Variants in NKX2-2 observed in about 807,000 individuals in gnomAD.
The protein encoded by NKX2-2 is homeobox protein Nkx-2.2.
A neutral mutation model predicts 24.6 loss-of-function variants in NKX2-2; 8 were observed. The observed-to-expected ratio is 0.32, with a 90% CI of 0.19 to 0.59. The LOEUF (loss-of-function observed/expected upper bound fraction) is 0.59, where lower values mean the gene tolerates loss of function less well. Ranked by LOEUF, NKX2-2 falls within the 20% of genes least tolerant of loss-of-function variation. NKX2-2 has a pLI of 0.86. For synonymous variants in NKX2-2, 217 were observed against 173.3 expected (o/e 1.25, Z -1.98); for missense variants, 381 against 373.9 (o/e 1.02, Z -0.16).
In NKX2-2 at chr20:21,511,420, A is replaced by C. The variant is rs1980422967; in HGVS notation, c.*503T>G. 1 of 152,652 alleles carries C rather than the reference A, an allele frequency of 6.6e-6. No individual in the cohort carries two copies. The highest frequency in any genetic ancestry group is 3.2e-3 in the Middle Eastern group (1 of 316). 9.5% of individuals were successfully genotyped at this position (152,652 alleles called of 1,614,324 possible). On this transcript the variant is annotated 3_prime_UTR_variant, in exon 2 of 2. Coordinates refer to ENST00000377142, the MANE Select transcript of NKX2-2 (RefSeq NM_002509.4). ...TTGTCAGAACGTTTACATGGCCATA[A>C]ATATTTAGCATTTTCTTATTTTTTT...
Position 21,512,272 on chromosome 20 carries a change from C to T in NKX2-2, c.473G>A (p.Arg158His), listed in dbSNP as rs1298869144. The part of the protein sequence containing the change: ...RQQRYLSAPE[R>H]EHLASLIRLT... ...GCGGATGAGGCTGGCCAGGTGTTCGCGCTCGGGCGCCGACAGGTACCGCTG... is the reference window on the plus strand; with the variant it reads ...GCGGATGAGGCTGGCCAGGTGTTCGTGCTCGGGCGCCGACAGGTACCGCTG... The change falls in exon 2 of 2, where the codon CGC (arginine) becomes CAC (histidine). Residue 158 changes from arginine to histidine, a missense_variant. Arg to His is a conservative substitution (Grantham distance 29). This residue lies in a region of NKX2-2 where 36 missense variants were observed against 79.2 expected (regional missense o/e 0.45). Transcript: ENST00000377142. 4 of 1,613,742 alleles carry T rather than the reference C, an allele frequency of 2.5e-6. No individual in the cohort carries two copies.
the NKX2-2 span, among the ~76,000 whole-genome samples, chr20:21,520,450 G>T: frequency 6.6e-6 from 1 of 152,192 alleles, no homozygotes; most frequent in Admixed American, 6.5e-5. Context: ...CAGCTTCATT[G>T]TGTGGGCATA....
chr20:21,521,986 C>T, the NKX2-2 span, among the ~76,000 whole-genome samples: 2 of 152,236 alleles, frequency 1.3e-5, no homozygotes, highest in Non-Finnish European at 2.9e-5. Flanking sequence ...GCGCCCCTCC[C>T]TCCTCCTCCG....
Position 21,513,788 on chromosome 20 carries a change from AGGGGG to A in NKX2-2, c.-124_-120del. The A allele has an allele frequency of 8.6e-6, 1 of 115,902 alleles. No homozygotes were observed. The highest frequency in any genetic ancestry group is 1.7e-5 in the Non-Finnish European group (1 of 59,246). 7.2% of individuals were successfully genotyped at this position (115,902 alleles called of 1,614,324 possible). On this transcript the variant is annotated 5_prime_UTR_variant, in exon 1 of 2. Coordinates refer to ENST00000377142, the MANE Select transcript of NKX2-2 (RefSeq NM_002509.4). The surrounding 1 kb of genome is among the most constrained non-coding windows in gnomAD (Gnocchi z 4.6). ...TTGGGGGGAGGGACTGGGGGAGGGG[AGGGGG>A]GAATTGGCTTTAATTATTGGGATAA...
Position 21,513,136 on chromosome 20 carries a change from A to T in NKX2-2, c.259+275T>A, listed in dbSNP as rs1276557457. 3.3e-5 allele frequency among the ~76,000 whole-genome samples: 5 copies of T among 152,100 alleles called. No individual in the cohort carries two copies. Among genetic ancestry groups the T allele is most frequent in the African/African-American group, 1.2e-4 (5 of 41,416 alleles). On this transcript the variant is annotated intron_variant, in intron 1 of 1. Coordinates refer to ENST00000377142, the MANE Select transcript of NKX2-2 (RefSeq NM_002509.4). The surrounding 1 kb of genome is among the most constrained non-coding windows in gnomAD (Gnocchi z 4.6). ...CCATCGGTCCGGGTTGACATCATAT[A>T]CCAGCCCCTGGGAGGTATAGCCCTT...
the NKX2-2 span, among the ~76,000 whole-genome samples, chr20:21,522,125 A>G: frequency 6.6e-6 from 1 of 152,228 alleles, no homozygotes; most frequent in African/African-American, 2.4e-5. Context: ...CAGGCGCGAC[A>G]GAGGGGCCCT....
chr20:21,518,482 G>A (rs750654070), upstream of NKX2-2, among the ~76,000 whole-genome samples: 1 of 152,210 alleles, frequency 6.6e-6, no homozygotes, highest in East Asian at 1.9e-4. Context: ...AACGAATTGA[G>A]TTCGGGTTCA....
Position 21,511,771 on chromosome 20 carries a change from G to A in NKX2-2, c.*152C>T, listed in dbSNP as rs563878343. ...TCCAAGGAGACGCAGGCAACCTCCC[G>A]GCGCCTCCCTAGTGGAGCCGAGAGT... On this transcript the variant is annotated 3_prime_UTR_variant, in exon 2 of 2. Coordinates refer to ENST00000377142, the MANE Select transcript of NKX2-2 (RefSeq NM_002509.4). 77 of 565,388 alleles carry A rather than the reference G, an allele frequency of 1.4e-4. 2 individuals carry two copies. The Admixed American group carries it at 2.3e-3, about 17-fold the overall frequency. The allele number at this position is 565,388 out of a possible 1,614,324, so 35.0% of individuals were successfully genotyped here.
chr20:21,517,713 A>C (rs2122550789), upstream of NKX2-2, among the ~76,000 whole-genome samples: 1 of 152,298 alleles, frequency 6.6e-6, no homozygotes, highest in Non-Finnish European at 1.5e-5. Context: ...CTTGCGCCCA[A>C]AGAGCCTAGG....
chr20:21,513,613 C>T lies in NKX2-2; in HGVS notation c.57G>A (p.Pro19=), dbSNP rs981239240. ...GFSVKDILDL[P]DTNDEEGSVA... Reference sequence around the variant, plus strand: ...CAGAGCCCTCCTCATCGTTGGTGTCCGGCAGGTCTAAGATGTCCTTGACCG... The same window carrying T: ...CAGAGCCCTCCTCATCGTTGGTGTCTGGCAGGTCTAAGATGTCCTTGACCG... Residue 19 remains proline, a synonymous_variant, in exon 1 of 2, where the codon CCG becomes CCA. Coordinates refer to ENST00000377142, the MANE Select transcript of NKX2-2 (RefSeq NM_002509.4). This position sits in a 1 kb window ranked among gnomAD's most constrained non-coding sequence, Gnocchi z 4.6. 3.1e-6 allele frequency: 5 copies of T among 1,612,318 alleles called. No homozygotes were observed. In the African/African-American group the frequency reaches 5.3e-5, roughly 17 times the overall value.
At position 21,511,478 on chromosome 20, in the gene NKX2-2, A is replaced by G. The variant is rs539109232; in HGVS notation, c.*445T>C. On this transcript the variant is annotated 3_prime_UTR_variant, in exon 2 of 2. Coordinates refer to ENST00000377142, the MANE Select transcript of NKX2-2 (RefSeq NM_002509.4). The stretch of plus-strand genomic sequence containing the variant: ...AAGGAAGAAATTCTCTGTATTTTTA[A>G]AGTGTTCTCCACTTGCTTTAGAAGA... The G allele has an allele frequency of 6.4e-6, 1 of 155,798 alleles. No homozygotes were observed. Among genetic ancestry groups the G allele is most frequent in the East Asian group, 1.9e-4 (1 of 5,318 alleles). The allele number at this position is 155,798 out of a possible 1,614,324, so 9.7% of individuals were successfully genotyped here.
In NKX2-2 at chr20:21,512,105, G is replaced by C; in HGVS notation, c.640C>G (p.Pro214Ala). 1 of 1,613,820 alleles carries C rather than the reference G, an allele frequency of 6.2e-7. No individual in the cohort carries two copies. The highest frequency in any genetic ancestry group is 8.5e-7 in the Non-Finnish European group (1 of 1,179,938). The stretch of plus-strand genomic sequence containing the variant: ...TCCTGGGCTTTGAGCGCGTGACATG[G>C]TTTGCCGTCCCTGACCAAGACGGGC... ...AVPVLVRDGK[P>A]CHALKAQDLA... Residue 214 changes from proline (P) to alanine (A), a missense_variant, in exon 2 of 2, where the codon CCA (proline) becomes GCA (alanine). Physicochemically the swap from Pro to Ala is conservative, Grantham distance 27 (BLOSUM62 -1). Around this residue, in one of 3 missense-constraint regions of NKX2-2, gnomAD observed 139 missense variants for 121.7 expected, o/e 1.14. Coordinates refer to ENST00000377142, the MANE Select transcript of NKX2-2 (RefSeq NM_002509.4).
chr20:21,520,140 C>T, the NKX2-2 span, among the ~76,000 whole-genome samples: 1 of 152,072 alleles, frequency 6.6e-6, no homozygotes, highest in African/African-American at 2.4e-5. Flanking sequence ...GTTCTCCAGG[C>T]CCAGAGACTT....
At chr20:21,518,262 G>C (rs1980689392), upstream of NKX2-2, among the ~76,000 whole-genome samples, 1 of 152,152 alleles carries the variant, frequency 6.6e-6, no homozygotes, top group South Asian at 2.1e-4. Context: ...GGGGTAACCT[G>C]AACAGCTGGA....
Position 21,513,839 on chromosome 20 carries a change from A to C in NKX2-2, c.-170T>G. The stretch of plus-strand genomic sequence containing the variant: ...GATAATTATTATTTTTAAAAAGAGA[A>C]AGAAACTGGGGATGGGGAGGAAAAA... On this transcript the variant is annotated 5_prime_UTR_variant, in exon 1 of 2. Transcript: ENST00000377142. The surrounding 1 kb of genome is among the most constrained non-coding windows in gnomAD (Gnocchi z 4.6). 4.0e-6 allele frequency: 2 copies of C among 503,080 alleles called. No individual in the cohort carries two copies. The highest frequency in any genetic ancestry group is 3.3e-6 in the Non-Finnish European group (1 of 301,606). The allele number at this position is 503,080 out of a possible 1,614,324, so 31.2% of individuals were successfully genotyped here. A position where few individuals can be genotyped will look rare whatever the true frequency, so the allele number is the denominator to read the frequency against.
rs1259046760 is a variant in NKX2-2, at chr20:21,513,514, G to A, written c.156C>T (p.Ala52=). ...GGGGCAGGCTCTGCACCGCGTCCAGGGCGCCCTGCCCCAGCGGCCCGGCCC... is the reference window on the plus strand; with the variant it reads ...GGGGCAGGCTCTGCACCGCGTCCAGAGCGCCCTGCCCCAGCGGCCCGGCCC... ...AKRAGPLGQG[A]LDAVQSLPLK... The change falls in exon 1 of 2, where the codon GCC becomes GCT. Residue 52 remains alanine, a synonymous_variant. Coordinates refer to ENST00000377142, the MANE Select transcript of NKX2-2 (RefSeq NM_002509.4). The surrounding 1 kb of genome is among the most constrained non-coding windows in gnomAD (Gnocchi z 4.6). The A allele has an allele frequency of 6.8e-6, 11 of 1,613,008 alleles. No homozygotes were observed. The highest frequency in any genetic ancestry group is 1.7e-5 in the Admixed American group (1 of 59,916).
chr20:21,513,561 C>T lies in NKX2-2; in HGVS notation c.109G>A (p.Glu37Lys), dbSNP rs534861730. The T allele has an allele frequency of 8.1e-6, 13 of 1,613,586 alleles. No homozygotes were observed. The highest frequency in any genetic ancestry group is 3.3e-5 in the South Asian group (3 of 90,968). Reference sequence around the variant, plus strand: ...GCCCTCTTGGCTGGCTCGGGCCCCTCGTTCTCTTCCTCCGGACCTTCGGCC... The same window carrying T: ...GCCCTCTTGGCTGGCTCGGGCCCCTTGTTCTCTTCCTCCGGACCTTCGGCC... ...SVAEGPEEEN[E>K]GPEPAKRAGP... Residue 37 changes from glutamate to lysine, a missense_variant, in exon 1 of 2, where the codon GAG becomes AAG. Around this residue, in one of 3 missense-constraint regions of NKX2-2, gnomAD observed 206 missense variants for 173.1 expected, o/e 1.19. Coordinates refer to ENST00000377142, the MANE Select transcript of NKX2-2 (RefSeq NM_002509.4). This position sits in a 1 kb window ranked among gnomAD's most constrained non-coding sequence, Gnocchi z 4.6.
chr20:21,520,166 G>T, the NKX2-2 span, among the ~76,000 whole-genome samples: 1 of 152,074 alleles, frequency 6.6e-6, no homozygotes, highest in Admixed American at 6.6e-5. Flanking sequence ...TTCTGTGTCT[G>T]GGGGAAAATC....
chr20:21,511,750 A>G lies in NKX2-2; in HGVS notation c.*173T>C, dbSNP rs533481040. 3.9e-6 allele frequency: 2 copies of G among 509,862 alleles called. No homozygotes were observed. Among genetic ancestry groups the G allele is most frequent in the East Asian group, 3.1e-5 (1 of 31,940 alleles). 31.6% of individuals were successfully genotyped at this position (509,862 alleles called of 1,614,324 possible). A position where few individuals can be genotyped will look rare whatever the true frequency, so the allele number is the denominator to read the frequency against. ...TGGGTGGGTGGAATCTGCCACTCCA[A>G]GGAGACGCAGGCAACCTCCCGGCGC... On this transcript the variant is annotated 3_prime_UTR_variant, in exon 2 of 2. Transcript: ENST00000377142.
Sources: gnomAD v4.1 joint callset for allele counts (sites outside exome capture counted in the v4.1 genomes callset) on GRCh38, gnomAD v4.1.1 for gene constraint, gnomAD v4.1.1 regional missense constraint, Gnocchi (gnomAD v3.1) non-coding constraint, MANE v1.5 for transcripts, NCBI Gene and HGNC (gene_info 2026-07-23, HGNC 2026-07-21) for gene names.